Variants in CACNA2D1 observed in about 807,000 individuals in gnomAD.
The protein encoded by CACNA2D1 is calcium voltage-gated channel auxiliary subunit alpha2delta 1.
CACNA2D1 carries 53 observed loss-of-function variants against 171.5 expected under a neutral mutation model. That is an observed-to-expected ratio of 0.31 (90% confidence interval 0.25 to 0.39). CACNA2D1 has a LOEUF of 0.39. Among genes scored for constraint, CACNA2D1 ranks in the 10% least tolerant of loss-of-function variants. The pLI is 1.00. For synonymous variants in CACNA2D1, 442 were observed against 443.1 expected, an observed-to-expected ratio of 1.00 and a Z score of 0.03; for missense variants, 903 against 1,299.8, an observed-to-expected ratio of 0.69 and a Z score of 4.69.
intron 1 of CACNA2D1, among the ~76,000 whole-genome samples, chr7:82,425,537 T>G (rs1170428356): frequency 2.1e-5 from 3 of 145,176 alleles, no homozygotes; most frequent in Non-Finnish European, 4.5e-5. Flanking sequence ...AACATGAGAT[T>G]CAATTTTTTT....
intron 12 of CACNA2D1, chr7:82,027,877 C>T (rs1283442104): frequency 1.3e-5 from 2 of 151,714 alleles, no homozygotes; most frequent in Admixed American, 6.6e-5. Flanking sequence ...CAGAGGTTGG[C>T]TCATGAGGTG....
At chr7:82,266,024 T>C (rs143822669) in intron 3 of CACNA2D1, among the ~76,000 whole-genome samples, 32 of 152,326 alleles carry the variant, frequency 2.1e-4, no homozygotes, top group African/African-American at 6.7e-4. Context: ...ATCTACAAGA[T>C]GGCAAATTTA....
At chr7:82,181,882 A>G (rs1473215858) in intron 3 of CACNA2D1, among the ~76,000 whole-genome samples, 1 of 152,218 alleles carries the variant, frequency 6.6e-6, no homozygotes, top group Non-Finnish European at 1.5e-5. Flanking sequence ...TTTGCTTTTT[A>G]GACAAAATAT....
At position 81,962,525 on chromosome 7, in the gene CACNA2D1, C is replaced by T. The variant is rs758679901; in HGVS notation, c.2781-30G>A. ...ATTTTTCAAATAAAAAAAAAATAAA[C>T]ATCTAGGGAAAAAATGTGTTTTTAC... On this transcript the variant is annotated intron_variant, in intron 34 of 38. Coordinates refer to ENST00000356860, the MANE Select transcript of CACNA2D1 (RefSeq NM_000722.4). 1.6e-5 allele frequency: 22 copies of T among 1,405,836 alleles called. No homozygotes were observed. The African/African-American group carries it at 1.7e-4, about 11-fold the overall frequency. 87.1% of individuals were successfully genotyped at this position (1,405,836 alleles called of 1,614,324 possible).
intron 7 of CACNA2D1, among the ~76,000 whole-genome samples, chr7:82,070,149 C>T (rs1468725988): frequency 6.6e-6 from 1 of 152,150 alleles, no homozygotes; most frequent in Non-Finnish European, 1.5e-5. Context: ...ATGGATCCTC[C>T]ACAGTCCCTA....
At chr7:82,095,856 A>C (rs73381512) in intron 6 of CACNA2D1, among the ~76,000 whole-genome samples, 3,095 of 152,256 alleles carry the variant, frequency 0.02, 101 homozygotes, top group African/African-American at 0.069. Context: ...CATCCATTCA[A>C]ATGTCCATTT....
chr7:82,253,825 A>G (rs1805958931), intron 3 of CACNA2D1, among the ~76,000 whole-genome samples: 1 of 152,196 alleles, frequency 6.6e-6, no homozygotes, highest in African/African-American at 2.4e-5. Flanking sequence ...ATGTTCCCAC[A>G]TGGCTAAGAA....
intron 2 of CACNA2D1, among the ~76,000 whole-genome samples, chr7:82,345,681 A>AGTGT (rs3054696): frequency 0.3 from 43,803 of 146,246 alleles, 6,916 homozygotes; most frequent in East Asian, 0.46. Flanking sequence ...TAGCTAAAGG[A>AGTGT]GTGTGTGTGT....
Position 82,410,571 on chromosome 7 carries a change from C to T in CACNA2D1, c.95+32794G>A, listed in dbSNP as rs765432456. 40 of 971,894 alleles carry T rather than the reference C, an allele frequency of 4.1e-5. No individual in the cohort carries two copies. In the South Asian group the frequency reaches 5.2e-4, roughly 13 times the overall value. 60.2% of individuals were successfully genotyped at this position (971,894 alleles called of 1,614,324 possible). A position where few individuals can be genotyped will look rare whatever the true frequency, so the allele number is the denominator to read the frequency against. ...TGGCTGATGCCAGGTGGCTGGCTTG[C>T]GACACTTAGGAAGTCCCTCACACCT... On this transcript the variant is annotated intron_variant, in intron 1 of 38. Coordinates refer to ENST00000356860, the MANE Select transcript of CACNA2D1 (RefSeq NM_000722.4).
chr7:82,340,029 C>T (rs1041290128), intron 2 of CACNA2D1, among the ~76,000 whole-genome samples: 5 of 152,164 alleles, frequency 3.3e-5, no homozygotes, highest in Non-Finnish European at 7.3e-5. Flanking sequence ...CAGGCCAACA[C>T]TGCTGGCTTT....
chr7:82,146,451 AAGAT>A (rs991096824), intron 4 of CACNA2D1, among the ~76,000 whole-genome samples: 3 of 140,708 alleles, frequency 2.1e-5, no homozygotes, highest in African/African-American at 7.6e-5. Context: ...TATATATATA[AAGAT>A]ATATATAAAT....
chr7:82,377,459 T>C (rs779117586), intron 1 of CACNA2D1, among the ~76,000 whole-genome samples: 1 of 152,152 alleles, frequency 6.6e-6, no homozygotes, highest in African/African-American at 2.4e-5. Context: ...AAAAATCTAA[T>C]AAAAATTATG....
At chr7:82,407,844 T>C (rs550405869) in intron 1 of CACNA2D1, among the ~76,000 whole-genome samples, 1 of 152,132 alleles carries the variant, frequency 6.6e-6, no homozygotes, top group Admixed American at 6.6e-5. Context: ...AGCCCATCTA[T>C]CCCTGATAGA....
intron 3 of CACNA2D1, among the ~76,000 whole-genome samples, chr7:82,264,386 C>T (rs1329263381): frequency 6.6e-6 from 1 of 151,868 alleles, no homozygotes; most frequent in Non-Finnish European, 1.5e-5. Context: ...TAGATACTCA[C>T]TTATGTTTGC....
At chr7:82,120,293 C>T (rs538528482) in intron 5 of CACNA2D1, among the ~76,000 whole-genome samples, 2 of 152,258 alleles carry the variant, frequency 1.3e-5, no homozygotes, top group Non-Finnish European at 2.9e-5. Context: ...TTTCAAATTT[C>T]AATCTCTAAA....
intron 3 of CACNA2D1, among the ~76,000 whole-genome samples, chr7:82,301,280 C>G (rs1041019280): frequency 2.0e-5 from 3 of 152,090 alleles, no homozygotes; most frequent in African/African-American, 7.2e-5. Context: ...GCATGCGCCA[C>G]CACACCCGGT....
intron 10 of CACNA2D1, among the ~76,000 whole-genome samples, chr7:82,042,791 C>T (rs1804117735): frequency 2.0e-5 from 3 of 152,178 alleles, no homozygotes; most frequent in Admixed American, 2.0e-4. Context: ...CTTCTTCACT[C>T]AGTCCTCATG....
rs903913713 is a variant in CACNA2D1, at chr7:82,410,529, G to A, written c.95+32836C>T. On this transcript the variant is annotated intron_variant, in intron 1 of 38. Transcript: ENST00000356860. ...TTCATGAGCTCAGTGGTCTGAAGGTGCACGCTACATCAGGGGTGGCTGATG... is the reference window on the plus strand; with the variant it reads ...TTCATGAGCTCAGTGGTCTGAAGGTACACGCTACATCAGGGGTGGCTGATG... 6.1e-6 allele frequency: 6 copies of A among 985,234 alleles called. No homozygotes were observed. The African/African-American group carries it at 7.0e-5, about 11-fold the overall frequency. The allele number at this position is 985,234 out of a possible 1,614,324, so 61.0% of individuals were successfully genotyped here.
chr7:82,316,267 G>A (rs1447665743), intron 3 of CACNA2D1, among the ~76,000 whole-genome samples: 1 of 152,148 alleles, frequency 6.6e-6, no homozygotes, highest in Non-Finnish European at 1.5e-5. Context: ...AAGTGTTCCT[G>A]AAGTCTCTCA....
Sources: gnomAD v4.1 joint callset for allele counts (sites outside exome capture counted in the v4.1 genomes callset) on GRCh38, gnomAD v4.1.1 for gene constraint, MANE v1.5 for transcripts, NCBI Gene and HGNC (gene_info 2026-07-23, HGNC 2026-07-21) for gene names.